Variants in ARIH1 observed in about 807,000 individuals in gnomAD.
ARIH1 encodes ariadne RBR E3 ubiquitin protein ligase 1.
ARIH1 carries 8 observed loss-of-function variants against 85.0 expected under a neutral mutation model. That is an observed-to-expected ratio of 0.09 (90% confidence interval 0.06 to 0.17). The LOEUF is 0.17. Among genes scored for constraint, ARIH1 ranks in the 10% least tolerant of loss-of-function variants. The pLI is 1.00. For missense variants in ARIH1, 311 were observed against 718.1 expected, an observed-to-expected ratio of 0.43 and a Z score of 6.48; for synonymous variants, 238 against 253.6, an observed-to-expected ratio of 0.94 and a Z score of 0.59.
chr15:72,601,103 T>C lies in ARIH1; in HGVS notation c.*17811T>C, dbSNP rs1280946010. ...ATTCCCCCATATCCAATCATGTGTA[T>C]TGGAGGTTTTTCCACCTCTAAACTT... On this transcript the variant is annotated 3_prime_UTR_variant, in exon 14 of 14. Transcript: ENST00000379887. 2.0e-5 allele frequency: 3 copies of C among 152,218 alleles called. No homozygotes were observed. The highest frequency in any genetic ancestry group is 7.2e-5 in the African/African-American group (3 of 41,456). The allele number at this position is 152,218 out of a possible 1,614,324, so 9.4% of individuals were successfully genotyped here. A position where few individuals can be genotyped will look rare whatever the true frequency, so the allele number is the denominator to read the frequency against.
chr15:72,580,687 TTA>T (rs769693228), intron 11 of ARIH1, 42 bp from the exon 12 acceptor site: 29 of 1,559,294 alleles, frequency 1.9e-5, no homozygotes, highest in Non-Finnish European at 2.4e-5. Flanking sequence ...TATGTACAGT[TTA>T]TGTGTTATAA....
chr15:72,503,496 T>C (rs1420833801), intron 1 of ARIH1, among the ~76,000 whole-genome samples: 1 of 152,192 alleles, frequency 6.6e-6, no homozygotes, highest in East Asian at 1.9e-4. Context: ...TTCAGTTCTG[T>C]AGTGTTCTGG....
rs11634683 is a variant in ARIH1 at position 72,601,109 on chromosome 15, G to T, written c.*17817G>T. 0.026 allele frequency: 4,031 copies of T among 152,178 alleles called. 78 individuals are homozygous for T. Among genetic ancestry groups the T allele is most frequent in the Non-Finnish European group, 0.04 (2,706 of 68,024 alleles). 9.4% of individuals were successfully genotyped at this position (152,178 alleles called of 1,614,324 possible). A position where few individuals can be genotyped will look rare whatever the true frequency, so the allele number is the denominator to read the frequency against. On this transcript the variant is annotated 3_prime_UTR_variant, in exon 14 of 14. Transcript: ENST00000379887. ...CCATATCCAATCATGTGTATTGGAG[G>T]TTTTTCCACCTCTAAACTTGAGAAC...
Position 72,595,806 on chromosome 15 carries a change from CTGT to C in ARIH1, c.*12516_*12518del. 1 of 77,242 alleles carries C rather than the reference CTGT, an allele frequency of 1.3e-5. No individual in the cohort carries two copies. The highest frequency in any genetic ancestry group is 6.9e-4 in the South Asian group (1 of 1,440). 4.8% of individuals were successfully genotyped at this position (77,242 alleles called of 1,614,324 possible). On this transcript the variant is annotated 3_prime_UTR_variant, in exon 14 of 14. Transcript: ENST00000379887. ...CCTATTGCAGTGTTTTTTGTTTTTT[CTGT>C]TTTTTTTTTTTTTTTTTCATCTTTG...
Position 72,587,113 on chromosome 15 carries a change from T to C in ARIH1, c.*3821T>C. Reference sequence around the variant, plus strand: ...TCCTCTTCAAAGCACTTCAACTTACTGTCTAAAACAAGTGGAGAAGAAATT... The same window carrying C: ...TCCTCTTCAAAGCACTTCAACTTACCGTCTAAAACAAGTGGAGAAGAAATT... On this transcript the variant is annotated 3_prime_UTR_variant, in exon 14 of 14. Coordinates refer to ENST00000379887, the MANE Select transcript of ARIH1 (RefSeq NM_005744.5). 1 of 436,110 alleles carries C rather than the reference T, an allele frequency of 2.3e-6. No individual in the cohort carries two copies. The highest frequency in any genetic ancestry group is 4.5e-6 in the Non-Finnish European group (1 of 220,790). The allele number at this position is 436,110 out of a possible 1,614,324, so 27.0% of individuals were successfully genotyped here.
chr15:72,564,643 G>A (rs1238481873), intron 7 of ARIH1, among the ~76,000 whole-genome samples: 1 of 152,156 alleles, frequency 6.6e-6, no homozygotes, highest in Non-Finnish European at 1.5e-5. Flanking sequence ...CTGTCTTAAT[G>A]TTCAGGCTTT....
intron 1 of ARIH1, among the ~76,000 whole-genome samples, chr15:72,507,028 T>G (rs1326727495): frequency 4.0e-5 from 6 of 151,626 alleles, no homozygotes; most frequent in African/African-American, 1.5e-4. Flanking sequence ...ATGTATTTAT[T>G]TATTTATTTT....
At chr15:72,475,152 C>G in intron 1 of ARIH1, 138 bp downstream of exon 1, 2 of 1,421,054 alleles carry the variant, frequency 1.4e-6, no homozygotes, top group East Asian at 5.9e-5. Context: ...TCTCCGCTGC[C>G]TCTGCTGGGG....
chr15:72,475,878 A>C (rs2063793045), intron 1 of ARIH1, among the ~76,000 whole-genome samples: 1 of 152,168 alleles, frequency 6.6e-6, no homozygotes. Context: ...TGATAACCAC[A>C]TCTCATTTAA....
At chr15:72,579,516 G>A (rs2064287093) in intron 11 of ARIH1, among the ~76,000 whole-genome samples, 1 of 152,156 alleles carries the variant, frequency 6.6e-6, no homozygotes, top group African/African-American at 2.4e-5. Context: ...GCATACTGTA[G>A]AACAGTGCCA....
chr15:72,593,267 ATTC>A lies in ARIH1; in HGVS notation c.*9978_*9980del, dbSNP rs1270912774. Reference sequence around the variant, plus strand: ...TGGGTGTCTTTTTATTGTAGGTGTTATTCTTTGTATTTTGAATATAAATCCTTT... The same window carrying A: ...TGGGTGTCTTTTTATTGTAGGTGTTATTTGTATTTTGAATATAAATCCTTT... On this transcript the variant is annotated 3_prime_UTR_variant, in exon 14 of 14. Coordinates refer to ENST00000379887, the MANE Select transcript of ARIH1 (RefSeq NM_005744.5). The A allele has an allele frequency of 6.6e-6, 1 of 151,996 alleles. No individual in the cohort carries two copies. The highest frequency in any genetic ancestry group is 1.5e-5 in the Non-Finnish European group (1 of 67,958). 9.4% of individuals were successfully genotyped at this position (151,996 alleles called of 1,614,324 possible). A position where few individuals can be genotyped will look rare whatever the true frequency, so the allele number is the denominator to read the frequency against.
At chr15:72,559,546 C>T (rs769359167) in intron 5 of ARIH1, among the ~76,000 whole-genome samples, 10 of 152,138 alleles carry the variant, frequency 6.6e-5, no homozygotes, top group Admixed American at 1.3e-4. Context: ...GCTAAGATTA[C>T]GGGCGTGAGC....
chr15:72,524,128 T>C lies in ARIH1; in HGVS notation c.443+5994T>C, dbSNP rs529021929. 2.8e-3 allele frequency among the ~76,000 whole-genome samples: 419 copies of C among 151,944 alleles called. 1 individual carries two copies. The highest frequency in any genetic ancestry group is 9.7e-3 in the African/African-American group (400 of 41,436). ...TGCCTGGCGAATTTTTTTGTATTTTTAGTAGAGACGGGGTTTCACCATATT... is the reference window on the plus strand; with the variant it reads ...TGCCTGGCGAATTTTTTTGTATTTTCAGTAGAGACGGGGTTTCACCATATT... On this transcript the variant is annotated intron_variant, in intron 2 of 13. Coordinates refer to ENST00000379887, the MANE Select transcript of ARIH1 (RefSeq NM_005744.5).
At chr15:72,579,536 AC>A (rs2064287141) in intron 11 of ARIH1, among the ~76,000 whole-genome samples, 2 of 152,332 alleles carry the variant, frequency 1.3e-5, no homozygotes, top group South Asian at 4.1e-4. Flanking sequence ...ATCCAGTAGA[AC>A]ATTTTTGTAA....
At chr15:72,562,886 C>G (rs946072389) in intron 6 of ARIH1, among the ~76,000 whole-genome samples, 2 of 111,594 alleles carry the variant, frequency 1.8e-5, no homozygotes, top group African/African-American at 5.8e-5. Context: ...CTTCAGGGAT[C>G]AGTCATCTTT....
intron 1 of ARIH1, among the ~76,000 whole-genome samples, chr15:72,501,343 A>G (rs2063902518): frequency 1.3e-5 from 2 of 152,248 alleles, no homozygotes; most frequent in Non-Finnish European, 2.9e-5. Context: ...ATGGTTTTCA[A>G]ATAATCTTAT....
chr15:72,498,403 C>T (rs1005390283), intron 1 of ARIH1, among the ~76,000 whole-genome samples: 1 of 152,064 alleles, frequency 6.6e-6, no homozygotes, highest in Non-Finnish European at 1.5e-5. Flanking sequence ...ATCAGTTTTC[C>T]TATTGTTGGA....
intron 3 of ARIH1, among the ~76,000 whole-genome samples, chr15:72,553,586 T>C (rs566412207): frequency 6.6e-6 from 1 of 152,164 alleles, no homozygotes; most frequent in Non-Finnish European, 1.5e-5. Context: ...TCTGTTTTCT[T>C]TGTCAATGGA....
intron 2 of ARIH1, among the ~76,000 whole-genome samples, chr15:72,538,470 T>G (rs1020060528): frequency 5.3e-5 from 8 of 152,238 alleles, no homozygotes; most frequent in Non-Finnish European, 1.2e-4. Context: ...AATTAGTACT[T>G]CTCCAATAGT....
Sources: gnomAD v4.1 joint callset for allele counts (sites outside exome capture counted in the v4.1 genomes callset) on GRCh38, gnomAD v4.1.1 for gene constraint, MANE v1.5 for transcripts, NCBI Gene and HGNC (gene_info 2026-07-23, HGNC 2026-07-21) for gene names.